Variants in CHD1L observed in about 807,000 individuals in gnomAD.
CHD1L encodes the protein chromodomain helicase DNA binding protein 1 like.
A neutral mutation model predicts 115.9 loss-of-function variants in CHD1L; 118 were observed. The observed-to-expected ratio is 1.02, with a 90% CI of 0.88 to 1.19. The LOEUF is 1.19. Ranked by LOEUF, CHD1L falls within the 50% of genes most tolerant of loss-of-function variation. CHD1L has a pLI of 0.00. For synonymous variants in CHD1L, 411 were observed against 387.1 expected (o/e 1.06, Z -0.72); for missense variants, 1,179 against 1,065.3 (o/e 1.11, Z -1.49).
chr1:147,198,621 C>T, the CHD1L span, among the ~76,000 whole-genome samples: 1 of 151,850 alleles, frequency 6.6e-6, no homozygotes, highest in Non-Finnish European at 1.5e-5. Context: ...GAGGCTGAGG[C>T]AGGCGGATCA....
the CHD1L span, chr1:147,212,600 A>AT: frequency 6.7e-7 from 1 of 1,489,624 alleles, no homozygotes; most frequent in Admixed American, 1.9e-5. Flanking sequence ...TTGTCAAGTC[A>AT]TTTGTTTTTT....
At chr1:147,209,052 C>A in the CHD1L span, 240 of 1,612,662 alleles carry the variant, frequency 1.5e-4, no homozygotes, top group African/African-American at 6.9e-4. Flanking sequence ...TGAGGAAAAC[C>A]TGGGGCATGG....
At chr1:147,212,038 C>T in the CHD1L span, among the ~76,000 whole-genome samples, 1 of 152,206 alleles carries the variant, frequency 6.6e-6, no homozygotes, top group South Asian at 2.1e-4. Flanking sequence ...TGAAGATCCT[C>T]GCTCTCAATA....
intron 14 of CHD1L, among the ~76,000 whole-genome samples, chr1:147,278,018 T>G (rs1398636150): frequency 6.6e-6 from 1 of 152,044 alleles, no homozygotes; most frequent in African/African-American, 2.4e-5. Context: ...AGTGGGAACA[T>G]GGACTGCTGG....
chr1:147,184,676 C>T, the CHD1L span: 1 of 1,448,752 alleles, frequency 6.9e-7, no homozygotes, highest in Non-Finnish European at 9.1e-7. This position sits in a 1 kb window ranked among gnomAD's most constrained non-coding sequence, Gnocchi z 4.4. Flanking sequence ...GGTAAAGTGG[C>T]CTTCTCATCA....
intron 10 of CHD1L, 89 bp from the exon 11 acceptor site, chr1:147,270,843 A>G: frequency 9.6e-7 from 1 of 1,038,666 alleles, no homozygotes; most frequent in Non-Finnish European, 1.5e-6. Context: ...TTATTTATAA[A>G]CTTTTATTGT....
intron 1 of CHD1L, among the ~76,000 whole-genome samples, chr1:147,248,316 C>T (rs1667286501): frequency 6.6e-6 from 1 of 152,094 alleles, no homozygotes; most frequent in African/African-American, 2.4e-5. Context: ...TCAAGTGATT[C>T]TCCCACCTCA....
At chr1:147,272,564 T>C (rs1676659652) in intron 12 of CHD1L, 2 of 243,526 alleles carry the variant, frequency 8.2e-6, no homozygotes, top group Non-Finnish European at 1.6e-5. Flanking sequence ...TATGTGATTT[T>C]GTGGAATGTT....
intron 6 of CHD1L, among the ~76,000 whole-genome samples, chr1:147,263,179 G>A (rs1672603848): frequency 6.6e-6 from 1 of 151,998 alleles, no homozygotes; most frequent in Admixed American, 6.5e-5. Context: ...TGTAATCCTA[G>A]CACTTTGGGA....
At chr1:147,278,002 C>G (rs1294116657) in intron 14 of CHD1L, among the ~76,000 whole-genome samples, 85 of 152,188 alleles carry the variant, frequency 5.6e-4, no homozygotes, top group South Asian at 2.1e-4. Context: ...CATGGGGCCA[C>G]AAACGAGTGG....
At position 147,266,222 on chromosome 1, in the gene CHD1L, C is replaced by A. The variant is rs1194398719; in HGVS notation, c.895+135C>A. On this transcript the variant is annotated intron_variant, in intron 8 of 22. Transcript: ENST00000369258. ...ATTTTGTATTCTGAATAATTCTGGT[C>A]GGCTACAGTGGGACTGTGGCAGAGC... 6 of 830,502 alleles carry A rather than the reference C, an allele frequency of 7.2e-6. No homozygotes were observed. The East Asian group carries it at 1.5e-4, about 20-fold the overall frequency. 51.4% of individuals were successfully genotyped at this position (830,502 alleles called of 1,614,324 possible). A position where few individuals can be genotyped will look rare whatever the true frequency, so the allele number is the denominator to read the frequency against.
At chr1:147,179,167 T>C in the CHD1L span, 1 of 1,613,994 alleles carries the variant, frequency 6.2e-7, no homozygotes. Flanking sequence ...TCTGGAGAGG[T>C]TCCTGCAGGA....
chr1:147,212,684 T>C, the CHD1L span: 306 of 727,074 alleles, frequency 4.2e-4, 3 homozygotes, highest in Non-Finnish European at 5.5e-4. Context: ...TTTCTCAGTA[T>C]TTTTGCCTAT....
the CHD1L span, among the ~76,000 whole-genome samples, chr1:147,213,696 C>A: frequency 2.6e-5 from 4 of 152,176 alleles, no homozygotes; most frequent in African/African-American, 9.7e-5. Flanking sequence ...AATGTACCCT[C>A]CTCTTCTAGA....
At chr1:147,212,401 C>T in the CHD1L span, 30 of 1,613,834 alleles carry the variant, frequency 1.9e-5, no homozygotes, top group South Asian at 3.2e-4. Flanking sequence ...ACCTGCTTGG[C>T]TGTTTGGCTA....
At chr1:147,220,943 C>CAAA in the CHD1L span, among the ~76,000 whole-genome samples, 1 of 54,268 alleles carries the variant, frequency 1.8e-5, no homozygotes, top group African/African-American at 9.6e-5. Flanking sequence ...TTTTAAGTTT[C>CAAA]CAAAAAAAAA....
the CHD1L span, among the ~76,000 whole-genome samples, chr1:147,222,008 A>G: frequency 6.6e-6 from 1 of 152,186 alleles, no homozygotes; most frequent in African/African-American, 2.4e-5. Context: ...TTCTCTCTAC[A>G]AACTCTATAC....
At chr1:147,273,423 T>A (rs1449627214) in intron 12 of CHD1L, among the ~76,000 whole-genome samples, 1 of 152,192 alleles carries the variant, frequency 6.6e-6, no homozygotes, top group Non-Finnish European at 1.5e-5. Flanking sequence ...GATATAATTT[T>A]TGATTATAAG....
chr1:147,175,978 A>G, the CHD1L span: 4 of 149,418 alleles, frequency 2.7e-5, no homozygotes, highest in African/African-American at 7.3e-5. Context: ...GTGATTGACT[A>G]CAAAAGGGCA....
Sources: allele counts gnomAD v4.1 joint callset (sites outside exome capture counted in the v4.1 genomes callset), GRCh38; gene constraint gnomAD v4.1.1; non-coding constraint Gnocchi (gnomAD v3.1); transcripts MANE v1.5; gene names NCBI Gene and HGNC (gene_info 2026-07-23, HGNC 2026-07-21).